BCO1: variants seen among roughly 807,000 people sequenced by gnomAD.
The protein encoded by BCO1 is beta-carotene oxygenase 1.
In BCO1, 54 loss-of-function variants were observed where a neutral mutation model predicts 56.3. That is an observed-to-expected ratio of 0.96 (90% CI 0.77 to 1.20). The LOEUF (loss-of-function observed/expected upper bound fraction) is 1.20. Among genes scored for constraint, BCO1 ranks in the 50% most tolerant of loss-of-function variants. The probability of loss-of-function intolerance (pLI) is 0.00; values close to 1 mark genes in which losing one functional copy is unlikely to be tolerated. For synonymous variants in BCO1, 318 were observed against 266.1 expected, an observed-to-expected ratio of 1.20 and a Z score of -1.90; for missense variants, 801 against 690.9, an observed-to-expected ratio of 1.16 and a Z score of -1.79.
Position 81,285,630 on chromosome 16 carries a change from C to G in BCO1, c.1298C>G (p.Thr433Ser). 1 of 1,596,344 alleles carries G rather than the reference C, an allele frequency of 6.3e-7. No homozygotes were observed. The highest frequency in any genetic ancestry group is 8.6e-7 in the Non-Finnish European group (1 of 1,163,792). Residue 433 changes from threonine to serine, a missense_variant, in exon 9 of 11, where the codon ACC (threonine) becomes AGC (serine). Physicochemically the swap from Thr to Ser is moderately conservative, Grantham distance 58. Transcript: ENST00000258168. ...ATGVQWSPIP[T>S]KIIKYDILTK... The stretch of plus-strand genomic sequence containing the variant: ...GGAGTTCAGTGGAGTCCAATCCCAA[C>G]CAAGGTACTGGTCTCTGTGTATTCA...
chr16:81,260,711 G>C (rs758627656), intron 3 of BCO1, among the ~76,000 whole-genome samples: 81 of 152,146 alleles, frequency 5.3e-4, no homozygotes, highest in Non-Finnish European at 7.1e-4. Flanking sequence ...GTTTCACCAT[G>C]TTGATCAGGC....
At position 81,238,939 on chromosome 16, in the gene BCO1, G is replaced by T; in HGVS notation, c.31G>T (p.Glu11Ter). 1 of 1,614,082 alleles carries T rather than the reference G, an allele frequency of 6.2e-7. No individual in the cohort carries two copies. The highest frequency in any genetic ancestry group is 8.5e-7 in the Non-Finnish European group (1 of 1,180,008). MDIIFGRNRKEQLEPVRAKVT... is the reference protein window; with the variant it reads MDIIFGRNRK ...TATAATATTTGGCAGGAATAGGAAAGAACAGCTGGAGCCTGTGAGGGCCAA... is the reference window on the plus strand; with the variant it reads ...TATAATATTTGGCAGGAATAGGAAATAACAGCTGGAGCCTGTGAGGGCCAA... Residue 11 changes from glutamate to a stop codon, truncating the protein, a stop_gained, in exon 1 of 11, where the codon GAA becomes TAA. Transcript: ENST00000258168. LOFTEE classifies it high-confidence loss of function.
At chr16:81,242,833 C>A (rs577499241) in intron 1 of BCO1, among the ~76,000 whole-genome samples, 3 of 152,110 alleles carry the variant, frequency 2.0e-5, no homozygotes, top group African/African-American at 7.2e-5. Context: ...CCTCTCAGAT[C>A]GGTGGCATTA....
At position 81,285,556 on chromosome 16, in the gene BCO1, G is replaced by T; in HGVS notation, c.1224G>T (p.Arg408=). Residue 408 remains arginine, a synonymous_variant, in exon 9 of 11, where the codon CGG becomes CGT. Coordinates refer to ENST00000258168, the MANE Select transcript of BCO1 (RefSeq NM_017429.3). ...TCCTTGTAGGCTTAGAGCTTCCACG[G>T]GTCAATTATGCTCACAATGGAAAGC... ...EFLYEGLELP[R]VNYAHNGKQY... is the part of the protein sequence containing the mutation. 2 of 1,613,396 alleles carry T rather than the reference G, an allele frequency of 1.2e-6. No individual in the cohort carries two copies. The highest frequency in any genetic ancestry group is 2.2e-5 in the South Asian group (2 of 91,064).
chr16:81,287,442 G>T (rs757385985), intron 10 of BCO1, 36 bp downstream of exon 10: 3 of 1,523,274 alleles, frequency 2.0e-6, no homozygotes, highest in Non-Finnish European at 9.1e-7. Flanking sequence ...GTTGCTGCAC[G>T]TTACTGCAGA....
chr16:81,250,804 C>T (rs1905748734), intron 2 of BCO1, among the ~76,000 whole-genome samples: 1 of 152,118 alleles, frequency 6.6e-6, no homozygotes, highest in East Asian at 1.9e-4. Context: ...TGGTCTCGAC[C>T]TCCTGACCTC....
At position 81,262,045 on chromosome 16, in the gene BCO1, T is replaced by C. The variant is rs970993374; in HGVS notation, c.324-91T>C. 1.8e-5 allele frequency: 27 copies of C among 1,492,924 alleles called. No individual in the cohort carries two copies. The African/African-American group carries it at 3.7e-4, about 21-fold the overall frequency. 92.5% of individuals were successfully genotyped at this position (1,492,924 alleles called of 1,614,324 possible). On this transcript the variant is annotated intron_variant, in intron 3 of 10. Coordinates refer to ENST00000258168, the MANE Select transcript of BCO1 (RefSeq NM_017429.3). ...GCACCCGGCCGAAGTAAAGCATTTT[T>C]AAGTGGTAGGAAAACTAAAGCCATC... is the stretch of plus-strand genomic sequence containing the variant.
rs1307818430 is a variant in BCO1, at chr16:81,290,578, T to C, written c.*1T>C. 1.9e-6 allele frequency: 3 copies of C among 1,611,680 alleles called. No individual in the cohort carries two copies. Among genetic ancestry groups the C allele is most frequent in the Non-Finnish European group, 2.5e-6 (3 of 1,179,432 alleles). ...CTGCCACGGGGCTCCTCTGACCTGA[T>C]GGTGTTGGGGTTTGGGTAGGGGAGG... On this transcript the variant is annotated 3_prime_UTR_variant, in exon 11 of 11. Transcript: ENST00000258168.
Position 81,290,696 on chromosome 16 carries a change from T to C in BCO1, c.*119T>C, listed in dbSNP as rs1908416040. Reference sequence around the variant, plus strand: ...TGCACTTATTCTTTCTGTGGGTGCTTTGACAAGGGCATGGCAAGAGAGCTT... The same window carrying C: ...TGCACTTATTCTTTCTGTGGGTGCTCTGACAAGGGCATGGCAAGAGAGCTT... On this transcript the variant is annotated 3_prime_UTR_variant, in exon 11 of 11. Transcript: ENST00000258168. 3 of 753,006 alleles carry C rather than the reference T, an allele frequency of 4.0e-6. No individual in the cohort carries two copies. The highest frequency in any genetic ancestry group is 2.5e-5 in the Admixed American group (1 of 39,428). 46.6% of individuals were successfully genotyped at this position (753,006 alleles called of 1,614,324 possible). A position where few individuals can be genotyped will look rare whatever the true frequency, so the allele number is the denominator to read the frequency against.
At position 81,290,681 on chromosome 16, in the gene BCO1, C is replaced by G. The variant is rs1343697687; in HGVS notation, c.*104C>G. The G allele has an allele frequency of 1.1e-6, 1 of 886,206 alleles. No individual in the cohort carries two copies. The highest frequency in any genetic ancestry group is 1.8e-6 in the Non-Finnish European group (1 of 568,222). 54.9% of individuals were successfully genotyped at this position (886,206 alleles called of 1,614,324 possible). On this transcript the variant is annotated 3_prime_UTR_variant, in exon 11 of 11. Coordinates refer to ENST00000258168, the MANE Select transcript of BCO1 (RefSeq NM_017429.3). The stretch of plus-strand genomic sequence containing the variant: ...GCCTTTGTTACCTTTTGCACTTATT[C>G]TTTCTGTGGGTGCTTTGACAAGGGC...
At chr16:81,254,904 C>T (rs908259141) in intron 2 of BCO1, among the ~76,000 whole-genome samples, 1 of 152,136 alleles carries the variant, frequency 6.6e-6, no homozygotes, top group African/African-American at 2.4e-5. Flanking sequence ...TCAAGTGATC[C>T]TCCCGCCTCA....
At chr16:81,257,002 C>G (rs1359112011) in intron 2 of BCO1, among the ~76,000 whole-genome samples, 1 of 152,178 alleles carries the variant, frequency 6.6e-6, no homozygotes, top group Non-Finnish European at 1.5e-5. Context: ...CCAGCCCAGC[C>G]GAACTCAACG....
At chr16:81,256,117 ATTT>A (rs57609331) in intron 2 of BCO1, among the ~76,000 whole-genome samples, 1 of 144,896 alleles carries the variant, frequency 6.9e-6, no homozygotes, top group Non-Finnish European at 1.5e-5. Context: ...CGCATGGCCG[ATTT>A]TTTTTTTTTT....
chr16:81,242,389 C>T (rs1490988272), intron 1 of BCO1, among the ~76,000 whole-genome samples: 5 of 151,814 alleles, frequency 3.3e-5, no homozygotes, highest in Non-Finnish European at 5.9e-5. Context: ...TCAGTAGTGA[C>T]GGGGTTTCAC....
chr16:81,275,410 G>A (rs1162331450), intron 7 of BCO1, among the ~76,000 whole-genome samples: 1 of 152,254 alleles, frequency 6.6e-6, no homozygotes, highest in African/African-American at 2.4e-5. Context: ...GTGCAGCCGT[G>A]GCAGAGAACC....
Position 81,280,148 on chromosome 16 carries a change from A to C in BCO1, c.1102-709A>C, listed in dbSNP as rs190115710. 4.5e-3 allele frequency among the ~76,000 whole-genome samples: 688 copies of C among 151,860 alleles called. 3 individuals carry two copies. Among genetic ancestry groups the C allele is most frequent in the Non-Finnish European group, 7.7e-3 (521 of 67,932 alleles). Reference sequence around the variant, plus strand: ...CATGGTGGAATGAACCTGTAATCCCAGCTACTCTGGAGGCTGAGGCAGGAG... The same window carrying C: ...CATGGTGGAATGAACCTGTAATCCCCGCTACTCTGGAGGCTGAGGCAGGAG... On this transcript the variant is annotated intron_variant, in intron 7 of 10. Coordinates refer to ENST00000258168, the MANE Select transcript of BCO1 (RefSeq NM_017429.3).
intron 7 of BCO1, 103 bp from the exon 8 acceptor site, chr16:81,280,754 G>A (rs1907831535): frequency 1.2e-6 from 1 of 812,352 alleles, no homozygotes; most frequent in Non-Finnish European, 2.1e-6. Context: ...GCTAAGCCAA[G>A]ATGACATGTA....
chr16:81,251,780 C>T (rs1384647050), intron 2 of BCO1, among the ~76,000 whole-genome samples: 1 of 151,482 alleles, frequency 6.6e-6, no homozygotes, highest in African/African-American at 2.4e-5. Context: ...AATTAACAGG[C>T]AAAGTCATTG....
intron 7 of BCO1, among the ~76,000 whole-genome samples, chr16:81,279,996 C>T (rs1907772422): frequency 6.6e-6 from 1 of 152,114 alleles, no homozygotes. Flanking sequence ...GGCGTGGTGG[C>T]TCACGCCTGT....
Sources: gnomAD v4.1 joint callset for allele counts (sites outside exome capture counted in the v4.1 genomes callset) on GRCh38, gnomAD v4.1.1 for gene constraint, MANE v1.5 for transcripts, NCBI Gene and HGNC (gene_info 2026-07-23, HGNC 2026-07-21) for gene names.